Variants in KLHL1 observed in about 807,000 individuals in gnomAD.
KLHL1 encodes kelch-like protein 1.
A neutral mutation model predicts 77.7 loss-of-function variants in KLHL1; 47 were observed. The ratio of observed to expected loss-of-function variants is 0.60; its 90% CI spans 0.48 to 0.77. The LOEUF (loss-of-function observed/expected upper bound fraction) is 0.77. KLHL1 is among the 30% of genes least tolerant of loss of function. The pLI, the probability that KLHL1 is intolerant of heterozygous loss-of-function variation, is 0.00. For synonymous variants in KLHL1, 360 were observed against 325.2 expected, an observed-to-expected ratio of 1.11 and a Z score of -1.15; for missense variants, 925 against 910.8, an observed-to-expected ratio of 1.02 and a Z score of -0.20.
intron 3 of KLHL1, among the ~76,000 whole-genome samples, chr13:69,955,519 G>A (rs1883838941): frequency 6.6e-6 from 1 of 151,126 alleles, no homozygotes; most frequent in African/African-American, 2.4e-5. Context: ...GTTCTCTACA[G>A]GACCTGACAC....
At chr13:70,000,999 T>C (rs917385172) in intron 1 of KLHL1, among the ~76,000 whole-genome samples, 3 of 150,252 alleles carry the variant, frequency 2.0e-5, no homozygotes, top group Non-Finnish European at 4.4e-5. Flanking sequence ...TGGCAAAATA[T>C]AGAAAATATG....
intron 4 of KLHL1, among the ~76,000 whole-genome samples, chr13:69,915,402 C>G (rs1441605249): frequency 6.6e-6 from 1 of 152,010 alleles, no homozygotes; most frequent in African/African-American, 2.4e-5. Flanking sequence ...GAGATATAGA[C>G]GAATGGAACA....
chr13:69,933,834 T>C (rs1468640500), intron 4 of KLHL1, among the ~76,000 whole-genome samples: 1 of 151,988 alleles, frequency 6.6e-6, no homozygotes, highest in Non-Finnish European at 1.5e-5. Flanking sequence ...ATCACAAAGT[T>C]CTTTGGTCTT....
At chr13:70,059,977 G>A (rs1886839145) in intron 1 of KLHL1, among the ~76,000 whole-genome samples, 1 of 152,148 alleles carries the variant, frequency 6.6e-6, no homozygotes, top group African/African-American at 2.4e-5. Flanking sequence ...ATTGGGAATT[G>A]TAATTTGGCA....
chr13:69,762,078 G>A (rs1200951300), intron 7 of KLHL1, among the ~76,000 whole-genome samples: 3 of 152,056 alleles, frequency 2.0e-5, no homozygotes, highest in Non-Finnish European at 4.4e-5. Context: ...CCATGCAAGA[G>A]GCCCAATGCT....
Position 69,797,429 on chromosome 13 carries a change from C to T in KLHL1, c.1415-467G>A, listed in dbSNP as rs138508007. On this transcript the variant is annotated intron_variant, in intron 6 of 10. Transcript: ENST00000377844. ...CATGTTTTTCTTTAAATTTGTCATA[C>T]GCCTTAAATAACTGAAGGTTTTAAA... Among the ~76,000 whole-genome samples, 275 of 152,170 alleles carry T rather than the reference C, an allele frequency of 1.8e-3. No individual in the cohort carries two copies. In the Middle Eastern group the frequency reaches 0.024, roughly 13 times the overall value.
chr13:69,848,354 C>T (rs1329751076), intron 5 of KLHL1, among the ~76,000 whole-genome samples: 4 of 151,430 alleles, frequency 2.6e-5, no homozygotes. Context: ...GGGACTAACT[C>T]TACCATTGTC....
intron 4 of KLHL1, among the ~76,000 whole-genome samples, chr13:69,907,603 T>C (rs1261315013): frequency 6.6e-6 from 1 of 151,966 alleles, no homozygotes; most frequent in African/African-American, 2.4e-5. Context: ...GCAATATGGG[T>C]AATACAAACT....
chr13:69,771,193 C>T (rs1875546524), intron 7 of KLHL1, among the ~76,000 whole-genome samples: 1 of 151,754 alleles, frequency 6.6e-6, no homozygotes, highest in Non-Finnish European at 1.5e-5. Context: ...ACTACCTCTT[C>T]CATGCCTTGC....
At chr13:69,919,745 C>T (rs926615973) in intron 4 of KLHL1, among the ~76,000 whole-genome samples, 1 of 152,062 alleles carries the variant, frequency 6.6e-6, no homozygotes, top group Non-Finnish European at 1.5e-5. Context: ...AGATATTTGG[C>T]TTTCTGTTCT....
chr13:70,084,054 G>A (rs1392291090), intron 1 of KLHL1, among the ~76,000 whole-genome samples: 2 of 152,124 alleles, frequency 1.3e-5, no homozygotes, highest in Non-Finnish European at 2.9e-5. Context: ...ATGAAAAGTA[G>A]TTAATAAAAG....
At chr13:70,055,424 T>C (rs1886721692) in intron 1 of KLHL1, among the ~76,000 whole-genome samples, 1 of 151,204 alleles carries the variant, frequency 6.6e-6, no homozygotes, top group Non-Finnish European at 1.5e-5. Context: ...CTAAAAGGAG[T>C]TCTTCAATTT....
At chr13:69,704,459 C>T (rs944140221) in intron 10 of KLHL1, among the ~76,000 whole-genome samples, 7 of 151,600 alleles carry the variant, frequency 4.6e-5, no homozygotes, top group African/African-American at 1.5e-4. Context: ...AGACATACCA[C>T]GTGTTCTTCC....
chr13:69,862,915 C>A (rs1277363642), intron 5 of KLHL1, among the ~76,000 whole-genome samples: 2 of 152,048 alleles, frequency 1.3e-5, no homozygotes, highest in Non-Finnish European at 2.9e-5. Context: ...GTTTAAGCCA[C>A]CCAGTCTATA....
intron 7 of KLHL1, among the ~76,000 whole-genome samples, chr13:69,750,033 T>C (rs1173718527): frequency 6.6e-6 from 1 of 151,756 alleles, no homozygotes; most frequent in Non-Finnish European, 1.5e-5. Context: ...GTAAAATGTA[T>C]TTCCTTTTGT....
Position 69,783,275 on chromosome 13 carries a change from C to A in KLHL1, c.1639+13463G>T, listed in dbSNP as rs549804113. ...ACTCTAAAAGCAGAGCACCTCTCCT[C>A]CTCCAAAGGAATGCAGCTCCTCACC... On this transcript the variant is annotated intron_variant, in intron 7 of 10. Transcript: ENST00000377844. Among the ~76,000 whole-genome samples the A allele has an allele frequency of 7.2e-4, 109 of 151,814 alleles. 1 individual carries two copies. The highest frequency in any genetic ancestry group is 3.4e-3 in the Middle Eastern group (1 of 294).
intron 7 of KLHL1, among the ~76,000 whole-genome samples, chr13:69,772,102 C>T (rs1400990788): frequency 1.3e-5 from 2 of 152,084 alleles, no homozygotes; most frequent in African/African-American, 2.4e-5. Context: ...CAGGCGCCTG[C>T]CACCACGCCC....
intron 8 of KLHL1, among the ~76,000 whole-genome samples, chr13:69,728,866 A>G (rs1873418401): frequency 6.6e-6 from 1 of 152,008 alleles, no homozygotes; most frequent in African/African-American, 2.4e-5. Flanking sequence ...CCATTTTCCC[A>G]TAGTAAATCA....
chr13:69,922,069 A>G (rs560089433), intron 4 of KLHL1, among the ~76,000 whole-genome samples: 1 of 151,860 alleles, frequency 6.6e-6, no homozygotes, highest in East Asian at 1.9e-4. Context: ...GCTGGGACTA[A>G]ACGTGCACAC....
Sources: gnomAD v4.1 joint callset for allele counts (sites outside exome capture counted in the v4.1 genomes callset) on GRCh38, gnomAD v4.1.1 for gene constraint, MANE v1.5 for transcripts, NCBI Gene and HGNC (gene_info 2026-07-23, HGNC 2026-07-21) for gene names.